Variants in PIK3CA observed in about 807,000 individuals in gnomAD.
PIK3CA encodes phosphatidylinositol 4,5-bisphosphate 3-kinase catalytic subunit alpha isoform.
In PIK3CA, 27 loss-of-function variants were observed where a neutral mutation model predicts 138.2. That is an observed-to-expected ratio of 0.20 (90% CI 0.14 to 0.27). The LOEUF is 0.27. PIK3CA is among the 10% of genes least tolerant of loss of function. The pLI is 1.00. For missense variants in PIK3CA, 544 were observed against 1,277.4 expected (o/e 0.43, Z 8.75); for synonymous variants, 358 against 413.2 (o/e 0.87, Z 1.62).
chr3:179,165,352 C>G (rs1430253451), intron 1 of PIK3CA, among the ~76,000 whole-genome samples: 1 of 152,122 alleles, frequency 6.6e-6, no homozygotes, highest in Non-Finnish European at 1.5e-5. Flanking sequence ...CCTAGAAATT[C>G]TGGTTGAGTG....
At chr3:179,190,772 G>A (rs1724113396) in intron 1 of PIK3CA, among the ~76,000 whole-genome samples, 1 of 152,126 alleles carries the variant, frequency 6.6e-6, no homozygotes, top group African/African-American at 2.4e-5. Flanking sequence ...GCATGTAAAT[G>A]TATCGTATGC....
Position 179,240,071 on chromosome 3 carries a change from AT to A in PIK3CA, c.*5709del. On this transcript the variant is annotated 3_prime_UTR_variant, in exon 21 of 21. Transcript: ENST00000263967. ...TGCAGTCTGTAACATCACGCTGTTT[AT>A]TAAAAAAAAAAAGAAAAATTACTTT... 6.5e-7 allele frequency: 1 copy of A among 1,529,332 alleles called. No homozygotes were observed. The highest frequency in any genetic ancestry group is 8.8e-7 in the Non-Finnish European group (1 of 1,133,936). The allele number at this position is 1,529,332 out of a possible 1,614,324, so 94.7% of individuals were successfully genotyped here. A position where few individuals can be genotyped will look rare whatever the true frequency, so the allele number is the denominator to read the frequency against.
rs529928571 is a variant in PIK3CA, at chr3:179,228,967, C to T, written c.2496-305C>T. Reference sequence around the variant, plus strand: ...TGTCAATTAAACATCTTTAAATTAACACATATTTTTAAAATCATAAATGTT... The same window carrying T: ...TGTCAATTAAACATCTTTAAATTAATACATATTTTTAAAATCATAAATGTT... On this transcript the variant is annotated intron_variant, in intron 17 of 20. Coordinates refer to ENST00000263967, the MANE Select transcript of PIK3CA (RefSeq NM_006218.4). 2.6e-5 allele frequency among the ~76,000 whole-genome samples: 4 copies of T among 152,192 alleles called. No individual in the cohort carries two copies. The East Asian group carries it at 7.7e-4, about 29-fold the overall frequency.
intron 1 of PIK3CA, among the ~76,000 whole-genome samples, chr3:179,164,301 A>C (rs553129331): frequency 6.6e-6 from 1 of 152,306 alleles, no homozygotes. Flanking sequence ...TCCGATACTT[A>C]CAGAGCACAA....
chr3:179,205,020 C>CAAAAAAAAAAAAAAAAA (rs574908621), intron 6 of PIK3CA, among the ~76,000 whole-genome samples: 5 of 53,348 alleles, frequency 9.4e-5, no homozygotes, highest in Non-Finnish European at 1.4e-4. Flanking sequence ...GACTCCGTCT[C>CAAAAAAAAAAAAAAAAA]AAAAAAAAAA....
chr3:179,163,754 A>C (rs371640748), intron 1 of PIK3CA, among the ~76,000 whole-genome samples: 2 of 152,280 alleles, frequency 1.3e-5, no homozygotes, highest in Admixed American at 1.3e-4. Flanking sequence ...CCTGACAGGT[A>C]ATTGAAGAAG....
chr3:179,171,465 A>G (rs966101562), intron 1 of PIK3CA, among the ~76,000 whole-genome samples: 3 of 152,146 alleles, frequency 2.0e-5, no homozygotes, highest in Admixed American at 1.3e-4. Context: ...AATCAAGGAA[A>G]TCAAAAGCTG....
intron 1 of PIK3CA, among the ~76,000 whole-genome samples, chr3:179,170,989 CATT>C (rs775363992): frequency 5.9e-5 from 9 of 152,154 alleles, no homozygotes; most frequent in Non-Finnish European, 1.3e-4. Context: ...GTAGAAAACA[CATT>C]ATTCTAAAGT....
intron 1 of PIK3CA, among the ~76,000 whole-genome samples, chr3:179,179,258 T>C (rs1421357089): frequency 6.6e-6 from 1 of 152,240 alleles, no homozygotes; most frequent in African/African-American, 2.4e-5. Context: ...CAACTGGAAA[T>C]TGTATAAACA....
Position 179,219,111 on chromosome 3 carries a change from G to A in PIK3CA, c.1665-85G>A. The A allele has an allele frequency of 1.3e-6, 1 of 746,208 alleles. No individual in the cohort carries two copies. The highest frequency in any genetic ancestry group is 1.9e-5 in the South Asian group (1 of 53,728). The allele number at this position is 746,208 out of a possible 1,614,324, so 46.2% of individuals were successfully genotyped here. A position where few individuals can be genotyped will look rare whatever the true frequency, so the allele number is the denominator to read the frequency against. ...ATGTAAGAAGTTTGGGACTTCTTAA[G>A]AAGATTCATATGGAGAAGTTAGACA... On this transcript the variant is annotated intron_variant, in intron 10 of 20. Coordinates refer to ENST00000263967, the MANE Select transcript of PIK3CA (RefSeq NM_006218.4). This position sits in a 1 kb window ranked among gnomAD's most constrained non-coding sequence, Gnocchi z 4.2.
rs2108387482 is a variant in PIK3CA at position 179,199,780 on chromosome 3, A to T, written c.443A>T (p.Lys148Ile). 1 of 1,612,914 alleles carries T rather than the reference A, an allele frequency of 6.2e-7. No homozygotes were observed. The change falls in exon 3 of 21, where the codon AAA becomes ATA. Residue 148 changes from lysine (K) to isoleucine (I), a missense_variant. Lys to Ile is a moderately radical substitution (Grantham distance 102). Transcript: ENST00000263967. ...CGAAGAAATATTCTGAACGTTTGTA[A>T]AGAAGCTGTGGATCTTAGGGACCTC... Reference protein sequence around the residue: ...DFRRNILNVCKEAVDLRDLNS... With the variant: ...DFRRNILNVCIEAVDLRDLNS...
intron 1 of PIK3CA, among the ~76,000 whole-genome samples, chr3:179,183,272 A>C (rs1723894539): frequency 6.6e-6 from 1 of 152,158 alleles, no homozygotes; most frequent in South Asian, 2.1e-4. Flanking sequence ...CAGGATATAA[A>C]GTTATTGTTT....
intron 9 of PIK3CA, among the ~76,000 whole-genome samples, chr3:179,211,508 A>G (rs1560142563): frequency 6.6e-6 from 1 of 152,140 alleles, no homozygotes; most frequent in Non-Finnish European, 1.5e-5. Context: ...CGTCTCTACT[A>G]AAAATACAAA....
intron 9 of PIK3CA, among the ~76,000 whole-genome samples, chr3:179,212,036 T>C (rs1375806316): frequency 6.6e-6 from 1 of 152,076 alleles, no homozygotes; most frequent in Non-Finnish European, 1.5e-5. Context: ...AGATGGCGTT[T>C]TGCTCTTGTT....
chr3:179,194,011 A>G (rs984771505), intron 1 of PIK3CA, among the ~76,000 whole-genome samples: 1 of 152,144 alleles, frequency 6.6e-6, no homozygotes, highest in Non-Finnish European at 1.5e-5. Flanking sequence ...TCTGTAGTCT[A>G]AAGGCCCTTT....
intron 3 of PIK3CA, 75 bp downstream of exon 3, chr3:179,199,974 CTTTTT>C: frequency 1.5e-6 from 1 of 689,008 alleles, no homozygotes; most frequent in Non-Finnish European, 2.3e-6. Context: ...TTTGTATAGT[CTTTTT>C]TTTTTTTTCC....
intron 1 of PIK3CA, among the ~76,000 whole-genome samples, chr3:179,164,869 TA>T (rs111770110): frequency 3.4e-4 from 49 of 145,618 alleles, no homozygotes; most frequent in East Asian, 6.0e-4. Flanking sequence ...AACTCTGTCT[TA>T]AAAAAAAAAA....
intron 1 of PIK3CA, among the ~76,000 whole-genome samples, chr3:179,181,984 G>A (rs1451171302): frequency 1.3e-5 from 2 of 152,010 alleles, no homozygotes; most frequent in South Asian, 2.1e-4. Flanking sequence ...TGTCCTTTAC[G>A]GTATCTCTGT....
At chr3:179,186,995 T>C (rs1001492556) in intron 1 of PIK3CA, among the ~76,000 whole-genome samples, 1 of 152,178 alleles carries the variant, frequency 6.6e-6, no homozygotes, top group African/African-American at 2.4e-5. Flanking sequence ...GTTTCTCTCT[T>C]TATGCAAAAG....
Sources: gnomAD v4.1 joint callset for allele counts (sites outside exome capture counted in the v4.1 genomes callset) on GRCh38, gnomAD v4.1.1 for gene constraint, Gnocchi (gnomAD v3.1) non-coding constraint, MANE v1.5 for transcripts, NCBI Gene and HGNC (gene_info 2026-07-23, HGNC 2026-07-21) for gene names.